Variants in ASMTL observed in about 807,000 individuals in gnomAD.
ASMTL encodes the protein probable bifunctional dTTP/UTP pyrophosphatase/methyltransferase protein.
ASMTL carries 57 observed loss-of-function variants against 60.3 expected under a neutral mutation model. That is an observed-to-expected ratio of 0.95 (90% CI 0.76 to 1.18). The LOEUF (loss-of-function observed/expected upper bound fraction) is 1.18, where lower values mean the gene tolerates loss of function less well. ASMTL is among the 50% of genes most tolerant of loss of function. The pLI is 0.00. For synonymous variants in ASMTL, 419 were observed against 373.0 expected, an observed-to-expected ratio of 1.12 and a Z score of -1.42; for missense variants, 981 against 852.6, an observed-to-expected ratio of 1.15 and a Z score of -1.88.
At chrX:1,442,908 C>T (rs2091137666) in intron 1 of ASMTL, among the ~76,000 whole-genome samples, 1 of 152,162 alleles carries the variant, frequency 6.6e-6, no homozygotes, top group African/African-American at 2.4e-5. Context: ...AGTGGGGGAG[C>T]CCCTGGCTGC....
chrX:1,432,182 C>A, intron 6 of ASMTL, 87 bp downstream of exon 6: 1 of 1,158,696 alleles, frequency 8.6e-7, no homozygotes, highest in African/African-American at 1.5e-5. Flanking sequence ...CTCCTTCTTT[C>A]CCAAAGGCTG....
chrX:1,450,391 T>G (rs2091330174), intron 1 of ASMTL, among the ~76,000 whole-genome samples: 1 of 151,334 alleles, frequency 6.6e-6, no homozygotes, highest in Non-Finnish European at 1.5e-5. Context: ...GTCACTCACC[T>G]CCCCAATCCC....
chrX:1,410,575 G>A (rs776619106), intron 12 of ASMTL, among the ~76,000 whole-genome samples: 1 of 152,122 alleles, frequency 6.6e-6, no homozygotes, highest in Admixed American at 6.5e-5. Context: ...CACTACGCCG[G>A]ACTAATTTTT....
chrX:1,417,196 C>T (rs1219385061), intron 11 of ASMTL, among the ~76,000 whole-genome samples: 10 of 150,730 alleles, frequency 6.6e-5, no homozygotes, highest in African/African-American at 1.2e-4. Flanking sequence ...CAGATGCAGA[C>T]GTACACACAG....
rs531002127 is a variant in ASMTL, at chrX:1,418,618, C to G, written c.1378+364G>C. Among the ~76,000 whole-genome samples, 89 of 152,138 alleles carry G rather than the reference C, an allele frequency of 5.8e-4. No individual in the cohort carries two copies. The South Asian group carries it at 0.013, about 22-fold the overall frequency. ...TGTGAGAATCGTCCCAGGCCCCGAT[C>G]CCCCAGCAGCCCTTGGGAATGTGTC... is the stretch of plus-strand genomic sequence containing the variant. On this transcript the variant is annotated intron_variant, in intron 10 of 12. Coordinates refer to ENST00000381317, the MANE Select transcript of ASMTL (RefSeq NM_004192.4).
At chrX:1,438,575 G>A (rs1238111736) in intron 3 of ASMTL, among the ~76,000 whole-genome samples, 3 of 152,140 alleles carry the variant, frequency 2.0e-5, no homozygotes, top group Admixed American at 1.3e-4. Flanking sequence ...GTGCAGTGGC[G>A]CGATCTCGGC....
intron 4 of ASMTL, 145 bp downstream of exon 4, chrX:1,435,549 A>G: frequency 2.7e-6 from 2 of 749,960 alleles, no homozygotes; most frequent in South Asian, 1.5e-5. Flanking sequence ...CTCCCTGCAT[A>G]GCTCAGACAG....
chrX:1,421,491 A>C (rs1352526712), intron 9 of ASMTL, 167 bp downstream of exon 9: 1 of 202,006 alleles, frequency 5.0e-6, no homozygotes, highest in Admixed American at 6.5e-5. Flanking sequence ...TCCAGGGCTG[A>C]GTGACACAAG....
Position 1,443,280 on chromosome X carries a change from A to G in ASMTL, c.94-963T>C, listed in dbSNP as rs1303744237. Among the ~76,000 whole-genome samples, 17 of 19,484 alleles carry G rather than the reference A, an allele frequency of 8.7e-4. 1 individual carries two copies. The highest frequency in any genetic ancestry group is 1.3e-3 in the African/African-American group (17 of 13,508). The allele number at this position is 19,484 out of a possible 152,430, so 12.8% of individuals were successfully genotyped here. On this transcript the variant is annotated intron_variant, in intron 1 of 12. Coordinates refer to ENST00000381317, the MANE Select transcript of ASMTL (RefSeq NM_004192.4). Reference sequence around the variant, plus strand: ...GCCGCCGTCTTGGACACACACCGCCATCATGGACACACACCGCCATCTTGG... The same window carrying G: ...GCCGCCGTCTTGGACACACACCGCCGTCATGGACACACACCGCCATCTTGG...
At chrX:1,420,204 GTC>G (rs1278087015) in intron 9 of ASMTL, among the ~76,000 whole-genome samples, 1 of 150,726 alleles carries the variant, frequency 6.6e-6, no homozygotes, top group African/African-American at 2.4e-5. Flanking sequence ...AAGTCTCCCT[GTC>G]TCTCCATCTC....
At chrX:1,417,794 C>G in intron 11 of ASMTL, 179 bp downstream of exon 11, 1 of 243,680 alleles carries the variant, frequency 4.1e-6, no homozygotes, top group Non-Finnish European at 5.5e-6. Flanking sequence ...GCATACCACA[C>G]ACATGCACAC....
In ASMTL at chrX:1,427,648, G is replaced by C; in HGVS notation, c.897+86C>G. 18 of 1,423,916 alleles carry C rather than the reference G, an allele frequency of 1.3e-5. No individual in the cohort carries two copies. The South Asian group carries it at 2.1e-4, about 16-fold the overall frequency. 88.2% of individuals were successfully genotyped at this position (1,423,916 alleles called of 1,614,324 possible). ...CTGACCTCAGACTGCCAGCCTCCAG[G>C]ACAGTGAGAAGTAAATTCCCTTTGA... is the stretch of plus-strand genomic sequence containing the variant. On this transcript the variant is annotated intron_variant, in intron 7 of 12. Coordinates refer to ENST00000381317, the MANE Select transcript of ASMTL (RefSeq NM_004192.4).
At chrX:1,449,499 T>C (rs1448206382) in intron 1 of ASMTL, among the ~76,000 whole-genome samples, 1 of 151,858 alleles carries the variant, frequency 6.6e-6, no homozygotes, top group African/African-American at 2.4e-5. Flanking sequence ...AGGCATGTGG[T>C]GTCCCCCCTC....
Position 1,407,612 on chromosome X carries a change from A to C in ASMTL, c.1646-4123T>G, listed in dbSNP as rs182026077. On this transcript the variant is annotated intron_variant, in intron 12 of 12. Transcript: ENST00000381317. The stretch of plus-strand genomic sequence containing the variant: ...GGAGCATTGTTAGAAGGCCAGACGC[A>C]GTGGCTCACACCTGTAATCGCAGCA... Among the ~76,000 whole-genome samples the C allele has an allele frequency of 2.4e-3, 358 of 152,182 alleles. 2 individuals are homozygous for C. The highest frequency in any genetic ancestry group is 8.2e-3 in the African/African-American group (340 of 41,518).
chrX:1,435,193 G>A (rs373154783), intron 4 of ASMTL, 110 bp from the exon 5 acceptor site: 86 of 1,134,514 alleles, frequency 7.6e-5, no homozygotes, highest in Middle Eastern at 2.1e-4. Context: ...TCCTGGATCC[G>A]TCCCCAGCAT....
At chrX:1,418,580 T>C (rs1327760894) in intron 10 of ASMTL, among the ~76,000 whole-genome samples, 1 of 151,712 alleles carries the variant, frequency 6.6e-6, no homozygotes, top group Non-Finnish European at 1.5e-5. Flanking sequence ...GTTGGGGAAA[T>C]GTAAGCTGAT....
chrX:1,416,339 AC>A, intron 11 of ASMTL, among the ~76,000 whole-genome samples: 1 of 19,618 alleles, frequency 5.1e-5, no homozygotes, highest in Non-Finnish European at 4.6e-4. Flanking sequence ...ACACGGACAT[AC>A]AGATACAGTG....
intron 11 of ASMTL, chrX:1,413,788 GAGA>G (rs1299823660): frequency 6.6e-6 from 1 of 152,372 alleles, no homozygotes; most frequent in African/African-American, 2.4e-5. Flanking sequence ...AGACACAGAG[GAGA>G]AGGCCACGTG....
At chrX:1,430,083 C>T (rs191020520) in intron 6 of ASMTL, among the ~76,000 whole-genome samples, 1,916 of 151,748 alleles carry the variant, frequency 0.013, 36 homozygotes, top group African/African-American at 0.042. Context: ...GGCGCGATCT[C>T]GGCTCACTGC....
Sources: gnomAD v4.1 joint callset for allele counts (sites outside exome capture counted in the v4.1 genomes callset) on GRCh38, gnomAD v4.1.1 for gene constraint, MANE v1.5 for transcripts, NCBI Gene and HGNC (gene_info 2026-07-23, HGNC 2026-07-21) for gene names.